FGFR4: variants seen among roughly 807,000 people sequenced by gnomAD.
FGFR4 encodes the protein hydroxyaryl-protein kinase.
FGFR4 carries 63 observed loss-of-function variants against 89.9 expected under a neutral mutation model. The ratio of observed to expected loss-of-function variants is 0.70; its 90% CI spans 0.57 to 0.86. FGFR4 has a LOEUF of 0.86. FGFR4 is among the 40% of genes least tolerant of loss of function. The pLI is 0.00. For synonymous variants in FGFR4, 486 were observed against 479.4 expected, an observed-to-expected ratio of 1.01 and a Z score of -0.18; for missense variants, 928 against 1,106.7, an observed-to-expected ratio of 0.84 and a Z score of 2.29.
rs765469853 is a variant in FGFR4, at chr5:177,093,777, T to C, written c.1519+2T>C. ...CTGTGGCCGTCAAGATGCTCAAAGG[T>C]GAGTGTGGCCCGGTGTGGTGGCTCA... On this transcript the variant is annotated splice_donor_variant, in intron 11 of 17. Coordinates refer to ENST00000292408, the MANE Select transcript of FGFR4 (RefSeq NM_213647.3). LOFTEE classifies it high-confidence loss of function. The surrounding 1 kb of genome is among the most constrained non-coding windows in gnomAD (Gnocchi z 5.8). The C allele has an allele frequency of 5.6e-5, 90 of 1,610,952 alleles. No homozygotes were observed. Among genetic ancestry groups the C allele is most frequent in the Non-Finnish European group, 7.1e-5 (84 of 1,178,676 alleles).
chr5:177,094,431 G>T (rs774808794), intron 11 of FGFR4, among the ~76,000 whole-genome samples: 9 of 152,104 alleles, frequency 5.9e-5, no homozygotes, highest in Admixed American at 2.0e-4. Context: ...GCATTAGTCT[G>T]TGTCAGCTTT....
At chr5:177,094,911 G>C (rs1784494748) in intron 11 of FGFR4, 1 of 184,618 alleles carries the variant, frequency 5.4e-6, no homozygotes, top group Non-Finnish European at 1.2e-5. Flanking sequence ...GCCAGGCCCT[G>C]GTCAAACAGA....
In FGFR4 at chr5:177,095,572, A is replaced by G. The variant is rs765645716; in HGVS notation, c.1670A>G (p.Asn557Ser). The change falls in exon 13 of 18, where the codon AAC becomes AGC. Residue 557 changes from asparagine to serine, a missense_variant. Physicochemically the swap from Asn to Ser is conservative, Grantham distance 46. Around this residue, in one of 5 missense-constraint regions of FGFR4, gnomAD observed 741 missense variants for 836.9 expected, o/e 0.89. Coordinates refer to ENST00000292408, the MANE Select transcript of FGFR4 (RefSeq NM_213647.3). This position sits in a 1 kb window ranked among gnomAD's most constrained non-coding sequence, Gnocchi z 5.7. ...ATCGTGGAGTGCGCCGCCAAGGGAA[A>G]CCTGCGGGAGTTCCTGCGGGCCCGG... is the stretch of plus-strand genomic sequence containing the variant. Reference protein sequence around the residue: ...YVIVECAAKGNLREFLRARRP... With the variant: ...YVIVECAAKGSLREFLRARRP... The G allele has an allele frequency of 6.2e-7, 1 of 1,609,776 alleles. No individual in the cohort carries two copies. Among genetic ancestry groups the G allele is most frequent in the Middle Eastern group, 1.9e-4 (1 of 5,206 alleles).
At position 177,096,620 on chromosome 5, in the gene FGFR4, C is replaced by T; in HGVS notation, c.2032C>T (p.Leu678=). 2 of 1,613,496 alleles carry T rather than the reference C, an allele frequency of 1.2e-6. No homozygotes were observed. Among genetic ancestry groups the T allele is most frequent in the Non-Finnish European group, 1.7e-6 (2 of 1,179,750 alleles). Reference sequence around the variant, plus strand: ...TACCTCCAGGTGGTCTTTTGGGATCCTGCTATGGGAGATCTTCACCCTCGG... The same window carrying T: ...TACCTCCAGGTGGTCTTTTGGGATCTTGCTATGGGAGATCTTCACCCTCGG... The part of the protein sequence containing the change: ...HQSDVWSFGI[L]LWEIFTLGGS... The change falls in exon 16 of 18, where the codon CTG becomes TTG. Residue 678 remains leucine (L), a synonymous_variant. Transcript: ENST00000292408.
At chr5:177,096,872 C>T in intron 16 of FGFR4, 131 bp downstream of exon 16, 1 of 993,824 alleles carries the variant, frequency 1.0e-6, no homozygotes. Flanking sequence ...CCTCCTCTTC[C>T]TCTTCCTCCT....
intron 16 of FGFR4, 84 bp from the exon 17 acceptor site, chr5:177,097,208 C>T: frequency 1.7e-6 from 2 of 1,148,900 alleles, no homozygotes; most frequent in South Asian, 1.5e-5. Flanking sequence ...CCACCAAACT[C>T]CTCCCCACCC....
At chr5:177,089,802 A>C (rs973557949) in intron 2 of FGFR4, 109 bp downstream of exon 2, 31 of 1,397,364 alleles carry the variant, frequency 2.2e-5, no homozygotes, top group Non-Finnish European at 3.0e-5. Context: ...GGCCCTGAGA[A>C]GGTGGCGGCA....
At chr5:177,088,015 G>A (rs1036788934) in intron 1 of FGFR4, among the ~76,000 whole-genome samples, 1 of 152,086 alleles carries the variant, frequency 6.6e-6, no homozygotes, top group Non-Finnish European at 1.5e-5. Context: ...TGGCAGACTT[G>A]CAGGTTTTTT....
chr5:177,089,025 G>C (rs1006194694), intron 1 of FGFR4, among the ~76,000 whole-genome samples: 1 of 152,148 alleles, frequency 6.6e-6, no homozygotes, highest in African/African-American at 2.4e-5. Context: ...CCAGGGTCGC[G>C]GTCCTGCTTG....
At chr5:177,088,462 C>G (rs1458976121) in intron 1 of FGFR4, 4 of 195,638 alleles carry the variant, frequency 2.0e-5, no homozygotes, top group Non-Finnish European at 3.2e-5. Flanking sequence ...TGAGAAGGGG[C>G]AGGGGAAGCC....
intron 2 of FGFR4, chr5:177,090,182 G>T (rs766948127): frequency 4.2e-6 from 3 of 715,958 alleles, no homozygotes; most frequent in Non-Finnish European, 7.5e-6. Flanking sequence ...TGCACTAAAT[G>T]CTGTGTGTGT....
rs966185590 is a variant in FGFR4, at chr5:177,087,481, C to T, written c.-54+404C>T. On this transcript the variant is annotated intron_variant, in intron 1 of 17. Coordinates refer to ENST00000292408, the MANE Select transcript of FGFR4 (RefSeq NM_213647.3). This position sits in a 1 kb window ranked among gnomAD's most constrained non-coding sequence, Gnocchi z 6.1. The stretch of plus-strand genomic sequence containing the variant: ...CCGAAAAGTTCAGTCACTTAGTGCC[C>T]GGGGGCCTCCAGCGCGAGTGCGGGA... The T allele has an allele frequency of 1.5e-5, 10 of 686,290 alleles. No individual in the cohort carries two copies. Among genetic ancestry groups the T allele is most frequent in the Non-Finnish European group, 1.6e-5 (9 of 557,352 alleles). 42.5% of individuals were successfully genotyped at this position (686,290 alleles called of 1,614,324 possible). A position where few individuals can be genotyped will look rare whatever the true frequency, so the allele number is the denominator to read the frequency against.
rs762457682 is a variant in FGFR4 at position 177,093,092 on chromosome 5, C to A, written c.1058-46C>A. 6.2e-7 allele frequency: 1 copy of A among 1,608,666 alleles called. No individual in the cohort carries two copies. The highest frequency in any genetic ancestry group is 1.1e-5 in the South Asian group (1 of 90,918). ...AGGGTGCACGGGGCGGCCAGTCTCA[C>A]CACTGACCAGTTTGTCTGTCTGTGT... On this transcript the variant is annotated intron_variant, in intron 8 of 17. Transcript: ENST00000292408. The surrounding 1 kb of genome is among the most constrained non-coding windows in gnomAD (Gnocchi z 5.8).
chr5:177,095,667 C>T lies in FGFR4; in HGVS notation c.1765C>T (p.Leu589=), dbSNP rs1784530059. ...SSEGPLSFPV[L]VSCAYQVARG... is the part of the protein sequence containing the mutation. Reference sequence around the variant, plus strand: ...TGAGGGGCCGCTCTCCTTCCCAGTCCTGGTCTCCTGCGCCTACCAGGTGGC... The same window carrying T: ...TGAGGGGCCGCTCTCCTTCCCAGTCTTGGTCTCCTGCGCCTACCAGGTGGC... The change falls in exon 13 of 18, where the codon CTG becomes TTG. Residue 589 remains leucine, a synonymous_variant. Transcript: ENST00000292408. The surrounding 1 kb of genome is among the most constrained non-coding windows in gnomAD (Gnocchi z 5.7). The T allele has an allele frequency of 1.2e-6, 2 of 1,609,148 alleles. No homozygotes were observed. The highest frequency in any genetic ancestry group is 1.7e-5 in the Admixed American group (1 of 59,580).
At position 177,095,661 on chromosome 5, in the gene FGFR4, C is replaced by G. The variant is rs555513735; in HGVS notation, c.1759C>G (p.Pro587Ala). 57 of 1,608,880 alleles carry G rather than the reference C, an allele frequency of 3.5e-5. No homozygotes were observed. The highest frequency in any genetic ancestry group is 4.8e-5 in the Non-Finnish European group (56 of 1,178,838). ...PRSSEGPLSF[P>A]VLVSCAYQVA... ...GAGCAGTGAGGGGCCGCTCTCCTTC[C>G]CAGTCCTGGTCTCCTGCGCCTACCA... is the stretch of plus-strand genomic sequence containing the variant. Residue 587 changes from proline (P) to alanine (A), a missense_variant, in exon 13 of 18, where the codon CCA becomes GCA. By Grantham distance (27) the Pro-to-Ala change is conservative. Transcript: ENST00000292408. This position sits in a 1 kb window ranked among gnomAD's most constrained non-coding sequence, Gnocchi z 5.7.
Position 177,090,936 on chromosome 5 carries a change from A to G in FGFR4, c.437-2A>G, listed in dbSNP as rs1784345361. On this transcript the variant is annotated splice_acceptor_variant, in intron 4 of 17. Coordinates refer to ENST00000292408, the MANE Select transcript of FGFR4 (RefSeq NM_213647.3). LOFTEE classifies it high-confidence loss of function. ...TTCTAGGGGCCTTCCCCTGCCCTCCAGCACCCTACTGGACACACCCCCAGC... is the reference window on the plus strand; with the variant it reads ...TTCTAGGGGCCTTCCCCTGCCCTCCGGCACCCTACTGGACACACCCCCAGC... 1 of 1,614,026 alleles carries G rather than the reference A, an allele frequency of 6.2e-7. No homozygotes were observed. The highest frequency in any genetic ancestry group is 1.7e-5 in the Admixed American group (1 of 59,994).
Position 177,093,552 on chromosome 5 carries a change from G to T in FGFR4, c.1397+1G>T. 3.7e-6 allele frequency: 6 copies of T among 1,613,506 alleles called. No homozygotes were observed. Among genetic ancestry groups the T allele is most frequent in the Non-Finnish European group, 5.1e-6 (6 of 1,179,642 alleles). ...CACTATGGGAGTTCCCCCGGGACAG[G>T]TGCGCTGAGCTGTGTGGGGGCAGGG... On this transcript the variant is annotated splice_donor_variant, in intron 10 of 17. Transcript: ENST00000292408. LOFTEE classifies it high-confidence loss of function. This position sits in a 1 kb window ranked among gnomAD's most constrained non-coding sequence, Gnocchi z 5.8.
chr5:177,090,154 G>GTGTC (rs766428921), intron 2 of FGFR4: 5 of 693,298 alleles, frequency 7.2e-6, no homozygotes, highest in Non-Finnish European at 1.1e-5. Flanking sequence ...GTGTGTGTGT[G>GTGTC]TCTTGGCCAC....
At chr5:177,094,552 C>T (rs192347327) in intron 11 of FGFR4, among the ~76,000 whole-genome samples, 13 of 151,998 alleles carry the variant, frequency 8.6e-5, no homozygotes, top group Admixed American at 2.0e-4. Flanking sequence ...CCCCCCACGT[C>T]CACTGCTGTA....
Sources: allele counts gnomAD v4.1 joint callset (sites outside exome capture counted in the v4.1 genomes callset), GRCh38; gene constraint gnomAD v4.1.1; regional missense constraint gnomAD v4.1.1; non-coding constraint Gnocchi (gnomAD v3.1); transcripts MANE v1.5; gene names NCBI Gene and HGNC (gene_info 2026-07-23, HGNC 2026-07-21).